The following POLR3B variants were observed in gnomAD, a reference collection of about 807,000 sequenced individuals.
POLR3B encodes the protein DNA-directed RNA polymerase III subunit RPC2.
Under a neutral mutation model 147.4 loss-of-function variants are expected in POLR3B, and 96 were observed. That is an observed-to-expected ratio of 0.65 (90% CI 0.55 to 0.77). The LOEUF is 0.77. POLR3B is among the 30% of genes least tolerant of loss of function. POLR3B has a pLI of 0.00. For missense variants in POLR3B, 1,036 were observed against 1,413.5 expected, an observed-to-expected ratio of 0.73 and a Z score of 4.28; for synonymous variants, 461 against 485.9, an observed-to-expected ratio of 0.95 and a Z score of 0.67.
At chr12:106,469,426 A>G (rs980336604) in intron 23 of POLR3B, among the ~76,000 whole-genome samples, 3 of 152,094 alleles carry the variant, frequency 2.0e-5, no homozygotes, top group Non-Finnish European at 4.4e-5. Flanking sequence ...GTGTCTTTTA[A>G]TTGGGGCATT....
Position 106,378,368 on chromosome 12 carries a change from G to A in POLR3B, c.598G>A (p.Gly200Arg). Residue 200 changes from glycine to arginine, a missense_variant, in exon 8 of 28, where the codon GGA becomes AGA. This residue lies in a region of POLR3B where 217 missense variants were observed against 288.7 expected (regional missense o/e 0.75). Transcript: ENST00000228347. Reference protein sequence around the residue: ...IVEADRKGAVGASVTSSTHEK... With the variant: ...IVEADRKGAVRASVTSSTHEK... ...GGAGGCTGATAGAAAAGGGGCTGTTGGAGCTTCAGTTACCAGGTATGGAAA... is the reference window on the plus strand; with the variant it reads ...GGAGGCTGATAGAAAAGGGGCTGTTAGAGCTTCAGTTACCAGGTATGGAAA... 1.2e-6 allele frequency: 2 copies of A among 1,609,266 alleles called. No homozygotes were observed. The highest frequency in any genetic ancestry group is 1.7e-6 in the Non-Finnish European group (2 of 1,175,578).
At chr12:106,431,887 T>C (rs113836530) in intron 14 of POLR3B, among the ~76,000 whole-genome samples, 4,383 of 152,298 alleles carry the variant, frequency 0.029, 185 homozygotes, top group African/African-American at 0.099. Flanking sequence ...AGTTATTTTA[T>C]ACAGTCTCTC....
In POLR3B at chr12:106,379,836, T is replaced by C. The variant is rs549742087; in HGVS notation, c.615-195T>C. ...AATCTCAAAGTCAAAGAAAAATTTATAGTGTTTTTAAATGTTCACTGAAGT... is the reference window on the plus strand; with the variant it reads ...AATCTCAAAGTCAAAGAAAAATTTACAGTGTTTTTAAATGTTCACTGAAGT... On this transcript the variant is annotated intron_variant, in intron 8 of 27. Transcript: ENST00000228347. Among the ~76,000 whole-genome samples the C allele has an allele frequency of 2.1e-4, 32 of 152,340 alleles. No individual in the cohort carries two copies. In the South Asian group the frequency reaches 6.2e-3, roughly 30 times the overall value.
intron 9 of POLR3B, chr12:106,381,830 G>T (rs1464049138): frequency 1.3e-5 from 2 of 152,222 alleles, no homozygotes; most frequent in Non-Finnish European, 2.9e-5. Context: ...AGGGCTGGTG[G>T]TTGCCCATTT....
chr12:106,444,673 C>A, intron 19 of POLR3B, 83 bp downstream of exon 19: 2 of 1,437,056 alleles, frequency 1.4e-6, no homozygotes, highest in Non-Finnish European at 1.9e-6. Context: ...CCTGCTTCAC[C>A]AGTATTATAT....
chr12:106,376,943 T>C (rs561179197), intron 7 of POLR3B, among the ~76,000 whole-genome samples: 1 of 152,344 alleles, frequency 6.6e-6, no homozygotes, highest in South Asian at 2.1e-4. Context: ...GTTTCCTCTT[T>C]TATTTCAGGC....
At chr12:106,362,612 A>G (rs981978792) in intron 1 of POLR3B, among the ~76,000 whole-genome samples, 1 of 152,016 alleles carries the variant, frequency 6.6e-6, no homozygotes, top group African/African-American at 2.4e-5. Flanking sequence ...GTGCATCTCT[A>G]TGTCCAATTT....
chr12:106,467,003 C>A (rs1462419522), intron 23 of POLR3B, among the ~76,000 whole-genome samples: 1 of 152,118 alleles, frequency 6.6e-6, no homozygotes, highest in Admixed American at 6.5e-5. Context: ...TCAGTGGTAG[C>A]TTGATGGGGA....
At chr12:106,360,188 T>G (rs2036450068) in intron 1 of POLR3B, among the ~76,000 whole-genome samples, 1 of 152,264 alleles carries the variant, frequency 6.6e-6, no homozygotes, top group Admixed American at 6.5e-5. Flanking sequence ...TGTTCCTTGC[T>G]CTGCAGCCAG....
chr12:106,468,404 C>G (rs1335259179), intron 23 of POLR3B, among the ~76,000 whole-genome samples: 2 of 152,198 alleles, frequency 1.3e-5, no homozygotes, highest in Non-Finnish European at 2.9e-5. Context: ...AATACCAGCT[C>G]CTGGATTTAT....
At chr12:106,408,901 A>G (rs1236800647) in intron 11 of POLR3B, among the ~76,000 whole-genome samples, 1 of 152,236 alleles carries the variant, frequency 6.6e-6, no homozygotes, top group African/African-American at 2.4e-5. Flanking sequence ...AGTCATTAAA[A>G]AGGGGAGTGA....
intron 19 of POLR3B, among the ~76,000 whole-genome samples, chr12:106,452,209 TA>T (rs1360420934): frequency 6.6e-6 from 1 of 152,240 alleles, no homozygotes; most frequent in Non-Finnish European, 1.5e-5. Context: ...GAATAGTTTA[TA>T]AATTCTATTT....
At position 106,504,275 on chromosome 12, in the gene POLR3B, TC is replaced by T; in HGVS notation, c.3272+24del. ...GGCTGGTAAGTGGATACCATATGTC[TC>T]CCATACCACACCCCTTGCCTCTTAA... On this transcript the variant is annotated intron_variant, in intron 27 of 27. Transcript: ENST00000228347. The surrounding 1 kb of genome is among the most constrained non-coding windows in gnomAD (Gnocchi z 4.6). The T allele has an allele frequency of 6.3e-7, 1 of 1,596,682 alleles. No homozygotes were observed.
At chr12:106,420,214 G>A (rs1410883880) in intron 12 of POLR3B, among the ~76,000 whole-genome samples, 2 of 152,126 alleles carry the variant, frequency 1.3e-5, no homozygotes, top group Non-Finnish European at 2.9e-5. Flanking sequence ...AGTGGGGCAC[G>A]GGGGTAGGGA....
intron 19 of POLR3B, among the ~76,000 whole-genome samples, chr12:106,446,711 G>T (rs368928920): frequency 6.6e-6 from 1 of 152,096 alleles, no homozygotes; most frequent in Admixed American, 6.5e-5. Context: ...TACTGCTGAC[G>T]CTAGGAAGAC....
intron 12 of POLR3B, among the ~76,000 whole-genome samples, chr12:106,420,085 C>CT (rs1179867663): frequency 6.6e-6 from 1 of 151,818 alleles, no homozygotes; most frequent in Non-Finnish European, 1.5e-5. Flanking sequence ...GCTCAGGAAT[C>CT]TAAGAGTAAG....
Position 106,477,891 on chromosome 12 carries a change from C to CTTTTTT in POLR3B, c.2713+14296_2713+14301dup, listed in dbSNP as rs34915594. Among the ~76,000 whole-genome samples, 618 of 70,518 alleles carry CTTTTTT rather than the reference C, an allele frequency of 8.8e-3. 77 individuals carry two copies. Among genetic ancestry groups the CTTTTTT allele is most frequent in the African/African-American group, 0.012 (216 of 18,112 alleles). 46.3% of individuals were successfully genotyped at this position (70,518 alleles called of 152,430 possible). A position where few individuals can be genotyped will look rare whatever the true frequency, so the allele number is the denominator to read the frequency against. Reference sequence around the variant, plus strand: ...CTATTCGGCCATCTTGGCTCCTCCCCTTTTTTTTTTTTTTTTTTTTTTTTT... The same window carrying CTTTTTT: ...CTATTCGGCCATCTTGGCTCCTCCCCTTTTTTTTTTTTTTTTTTTTTTTTTTTTTTT... On this transcript the variant is annotated intron_variant, in intron 23 of 27. Transcript: ENST00000228347.
At chr12:106,469,431 G>C (rs1297502095) in intron 23 of POLR3B, among the ~76,000 whole-genome samples, 1 of 151,764 alleles carries the variant, frequency 6.6e-6, no homozygotes, top group Non-Finnish European at 1.5e-5. Context: ...TTTTAATTGG[G>C]GCATTTAGCC....
At chr12:106,485,388 A>G (rs1474000384) in intron 23 of POLR3B, among the ~76,000 whole-genome samples, 2 of 152,148 alleles carry the variant, frequency 1.3e-5, no homozygotes, top group Non-Finnish European at 2.9e-5. Context: ...GAATATAAGC[A>G]AAGGAGTGAC....
Sources: gnomAD v4.1 joint callset for allele counts (sites outside exome capture counted in the v4.1 genomes callset) on GRCh38, gnomAD v4.1.1 for gene constraint, gnomAD v4.1.1 regional missense constraint, Gnocchi (gnomAD v3.1) non-coding constraint, MANE v1.5 for transcripts, NCBI Gene and HGNC (gene_info 2026-07-23, HGNC 2026-07-21) for gene names.